Variants in DNAH17 observed in about 807,000 individuals in gnomAD.
The protein encoded by DNAH17 is axonemal beta dynein heavy chain 17.
In DNAH17, 376 loss-of-function variants were observed where a neutral mutation model predicts 485.6. That is an observed-to-expected ratio of 0.77 (90% CI 0.71 to 0.84). DNAH17 has a LOEUF of 0.84. Ranked by LOEUF, DNAH17 falls within the 40% of genes least tolerant of loss-of-function variation. The probability of loss-of-function intolerance (pLI) is 0.00; values close to 1 mark genes in which losing one functional copy is unlikely to be tolerated. For missense variants in DNAH17, 6,370 were observed against 5,839.3 expected, an observed-to-expected ratio of 1.09 and a Z score of -2.96; for synonymous variants, 3,031 against 2,405.9, an observed-to-expected ratio of 1.26 and a Z score of -7.60.
chr17:78,528,774 T>C (rs1007814496), intron 22 of DNAH17, among the ~76,000 whole-genome samples: 1 of 152,030 alleles, frequency 6.6e-6, no homozygotes, highest in African/African-American at 2.4e-5. Context: ...CTGAGGTTCT[T>C]TGAATTCGCT....
intron 48 of DNAH17, among the ~76,000 whole-genome samples, chr17:78,481,181 C>T (rs2089333658): frequency 6.7e-6 from 1 of 150,194 alleles, no homozygotes; most frequent in Non-Finnish European, 1.5e-5. Context: ...TGGCTCACTG[C>T]AACCTCCGCC....
chr17:78,540,110 G>T (rs1165788953), intron 17 of DNAH17, among the ~76,000 whole-genome samples: 1 of 152,040 alleles, frequency 6.6e-6, no homozygotes, highest in Non-Finnish European at 1.5e-5. Flanking sequence ...CAGCTCAAAT[G>T]TCCCTTCCTC....
At position 78,468,669 on chromosome 17, in the gene DNAH17, G is replaced by C. The variant is rs748688306; in HGVS notation, c.8726C>G (p.Thr2909Ser). The C allele has an allele frequency of 6.8e-6, 11 of 1,614,030 alleles. No individual in the cohort carries two copies. The highest frequency in any genetic ancestry group is 1.6e-4 in the Middle Eastern group (1 of 6,062). ...GAAGAACTTCCAACATGTTTCCCGAGTGTCATTCATGCCAAGGGACTTGAC... is the reference window on the plus strand; with the variant it reads ...GAAGAACTTCCAACATGTTTCCCGACTGTCATTCATGCCAAGGGACTTGAC... ...PQVKSLGMNDTRETCWKFFIE... is the reference protein window; with the variant it reads ...PQVKSLGMNDSRETCWKFFIE... Residue 2909 changes from threonine to serine, a missense_variant, in exon 55 of 81, where the codon ACT becomes AGT. Transcript: ENST00000389840.
intron 10 of DNAH17, 56 bp downstream of exon 10, chr17:78,566,943 G>A (rs1598740804): frequency 1.0e-5 from 16 of 1,551,050 alleles, no homozygotes; most frequent in South Asian, 3.7e-5. Context: ...AGCTGGTACC[G>A]AGGCTGGTGC....
At chr17:78,518,691 A>T (rs1326660438) in intron 25 of DNAH17, among the ~76,000 whole-genome samples, 2 of 152,222 alleles carry the variant, frequency 1.3e-5, no homozygotes, top group Non-Finnish European at 2.9e-5. Flanking sequence ...ACAGAAGCAG[A>T]ATACGCATTC....
intron 44 of DNAH17, among the ~76,000 whole-genome samples, chr17:78,486,890 A>T (rs1380043624): frequency 6.6e-6 from 1 of 152,008 alleles, no homozygotes; most frequent in African/African-American, 2.4e-5. Flanking sequence ...TGGGGACAGT[A>T]AGGGAGCAGA....
intron 43 of DNAH17, 22 bp downstream of exon 43, chr17:78,491,421 T>G (rs758455450): frequency 1.5e-5 from 24 of 1,609,720 alleles, no homozygotes; most frequent in Non-Finnish European, 2.0e-5. Context: ...GCCTTGGGGC[T>G]TAGAGTCCAG....
chr17:78,539,782 G>A lies in DNAH17; in HGVS notation c.2631C>T (p.Phe877=), dbSNP rs893186065. 3.7e-6 allele frequency: 6 copies of A among 1,611,742 alleles called. No homozygotes were observed. In the Admixed American group the frequency reaches 6.7e-5, roughly 18 times the overall value. ...TTAGGAAACTCAGAGATTTGCGAAT[G>A]AACTGGTCAAATTCATCTAAGACCA... ...DDMVLDEFDQ[F]IRKSLSFLMD... is the part of the protein sequence containing the mutation. The change falls in exon 18 of 81, where the codon TTC becomes TTT. Residue 877 remains phenylalanine (F), a synonymous_variant. Coordinates refer to ENST00000389840, the MANE Select transcript of DNAH17 (RefSeq NM_173628.4).
intron 79 of DNAH17, among the ~76,000 whole-genome samples, chr17:78,426,228 G>A (rs1172517290): frequency 3.4e-5 from 5 of 147,954 alleles, no homozygotes; most frequent in African/African-American, 1.2e-4. Flanking sequence ...AGGAGCTGAT[G>A]GAAGCTGCTC....
chr17:78,427,753 C>T (rs1473566585), intron 77 of DNAH17, among the ~76,000 whole-genome samples: 1 of 152,132 alleles, frequency 6.6e-6, no homozygotes, highest in Non-Finnish European at 1.5e-5. Flanking sequence ...GGGATGGTCA[C>T]CTGAGATCAG....
At chr17:78,438,592 G>T (rs1034059597) in intron 73 of DNAH17, among the ~76,000 whole-genome samples, 1 of 150,040 alleles carries the variant, frequency 6.7e-6, no homozygotes, top group Non-Finnish European at 1.5e-5. Context: ...CTGCCTCCCC[G>T]GGTTCAAGCG....
chr17:78,494,576 G>C lies in DNAH17; in HGVS notation c.6270+17C>G. On this transcript the variant is annotated intron_variant, in intron 40 of 80. Coordinates refer to ENST00000389840, the MANE Select transcript of DNAH17 (RefSeq NM_173628.4). ...GGCAGGCTTCTCCGGACAGACCTGA[G>C]ACCCAGGAGTCCCGACCTTTTCAAA... The C allele has an allele frequency of 6.2e-7, 1 of 1,612,412 alleles. No individual in the cohort carries two copies. Among genetic ancestry groups the C allele is most frequent in the South Asian group, 1.1e-5 (1 of 90,986 alleles).
Position 78,507,656 on chromosome 17 carries a change from G to C in DNAH17, c.4386C>G (p.Ser1462=). The change falls in exon 28 of 81, where the codon TCC becomes TCG. Residue 1462 remains serine (S), a synonymous_variant. Transcript: ENST00000389840. ...NQVQLQNLMM[S]KYLAHFLKEV... ...CCTTCAGGAAGTGGGCCAGGTACTT[G>C]GACATCATCAGGTTCTGCAGCTGCA... 6.2e-7 allele frequency: 1 copy of C among 1,613,848 alleles called. No individual in the cohort carries two copies. The highest frequency in any genetic ancestry group is 2.2e-5 in the East Asian group (1 of 44,882).
intron 21 of DNAH17, 79 bp downstream of exon 21, chr17:78,530,264 C>G (rs1242407540): frequency 3.4e-6 from 5 of 1,454,368 alleles, no homozygotes; most frequent in Non-Finnish European, 4.6e-6. Context: ...CTGACAAATG[C>G]CACCCACTCA....
At chr17:78,444,521 G>A in intron 71 of DNAH17, 83 bp downstream of exon 71, 1 of 1,345,200 alleles carries the variant, frequency 7.4e-7, no homozygotes, top group Non-Finnish European at 9.9e-7. Context: ...CAAGTCCACA[G>A]AGAGTCTAGC....
At chr17:78,541,395 G>A (rs572031824) in intron 17 of DNAH17, among the ~76,000 whole-genome samples, 14 of 149,522 alleles carry the variant, frequency 9.4e-5, no homozygotes, top group African/African-American at 2.5e-4. Flanking sequence ...ATGGATGGAT[G>A]GATGGGTGGA....
intron 9 of DNAH17, among the ~76,000 whole-genome samples, chr17:78,567,829 T>C (rs74334746): frequency 0.021 from 3,217 of 152,200 alleles, 94 homozygotes; most frequent in African/African-American, 0.062. Context: ...CGTTAGCTGG[T>C]TGTGTGTGTG....
At chr17:78,502,387 C>T in intron 33 of DNAH17, 1 of 483,314 alleles carries the variant, frequency 2.1e-6, no homozygotes, top group East Asian at 3.5e-5. Context: ...CTGAAGGTGT[C>T]TGTTACTCGT....
chr17:78,458,766 G>A, intron 61 of DNAH17, 86 bp from the exon 62 acceptor site: 1 of 1,295,248 alleles, frequency 7.7e-7, no homozygotes, highest in East Asian at 2.3e-5. Context: ...GGCCCTGTGA[G>A]CGCTGAGCGT....
Sources: allele counts gnomAD v4.1 joint callset (sites outside exome capture counted in the v4.1 genomes callset), GRCh38; gene constraint gnomAD v4.1.1; transcripts MANE v1.5; gene names NCBI Gene and HGNC (gene_info 2026-07-23, HGNC 2026-07-21).